The following DNAH10 variants were observed in gnomAD, a reference collection of about 807,000 sequenced individuals.
The protein encoded by DNAH10 is dynein axonemal heavy chain 10, also known as axonemal beta dynein heavy chain 10.
A neutral mutation model predicts 506.6 loss-of-function variants in DNAH10; 348 were observed. The ratio of observed to expected loss-of-function variants is 0.69; its 90% CI spans 0.63 to 0.75. The LOEUF (loss-of-function observed/expected upper bound fraction) is 0.75. Among genes scored for constraint, DNAH10 ranks in the 30% least tolerant of loss-of-function variants. The pLI is 0.00. For synonymous variants in DNAH10, 2,059 were observed against 2,198.6 expected (o/e 0.94, Z 1.78); for missense variants, 5,179 against 5,787.1 (o/e 0.89, Z 3.41).
At position 123,762,406 on chromosome 12, in the gene DNAH10, C is replaced by T; in HGVS notation, c.70C>T (p.Leu24Phe). 1.4e-6 allele frequency: 2 copies of T among 1,402,624 alleles called. No homozygotes were observed. Among genetic ancestry groups the T allele is most frequent in the Non-Finnish European group, 1.9e-6 (2 of 1,074,398 alleles). 86.9% of individuals were successfully genotyped at this position (1,402,624 alleles called of 1,614,324 possible). ...GGCTTTCGGCATCACCGACCCCCAGCTTTTCGAGGACCTGCTCAACCGCGA... is the reference window on the plus strand; with the variant it reads ...GGCTTTCGGCATCACCGACCCCCAGTTTTTCGAGGACCTGCTCAACCGCGA... ...YAAFGITDPQ[L>F]FEDLLNRDDG... The change falls in exon 1 of 79, where the codon CTT becomes TTT. Residue 24 changes from leucine (L) to phenylalanine (F), a missense_variant. Around this residue, in one of 3 missense-constraint regions of DNAH10, gnomAD observed 326 missense variants for 330.8 expected, o/e 0.99. Transcript: ENST00000673944. This position sits in a 1 kb window ranked among gnomAD's most constrained non-coding sequence, Gnocchi z 5.0.
Position 123,767,092 on chromosome 12 carries a change from G to T in DNAH10, c.215-514G>T, listed in dbSNP as rs558989107. 8.8e-4 allele frequency among the ~76,000 whole-genome samples: 133 copies of T among 151,942 alleles called. 1 individual carries two copies. The highest frequency in any genetic ancestry group is 3.2e-3 in the African/African-American group (132 of 41,468). On this transcript the variant is annotated intron_variant, in intron 1 of 78. Coordinates refer to ENST00000673944, the MANE Select transcript of DNAH10 (RefSeq NM_001372106.1). ...AGCTAATTTTTTTGTATTTTTAATA[G>T]AGACGAGGTTTCACCATGTTGACCA...
intron 50 of DNAH10, 48 bp downstream of exon 50, chr12:123,879,849 T>C (rs553863457): frequency 2.5e-6 from 4 of 1,595,880 alleles, no homozygotes; most frequent in Middle Eastern, 1.8e-4. Flanking sequence ...CTCCTGAGCA[T>C]GGGCCAAGCG....
chr12:123,898,220 A>G (rs1441954480), intron 55 of DNAH10, among the ~76,000 whole-genome samples: 1 of 152,054 alleles, frequency 6.6e-6, no homozygotes, highest in Non-Finnish European at 1.5e-5. Flanking sequence ...TTTAAATTTT[A>G]TTTTTTATCT....
At chr12:123,839,247 T>C (rs1002500124) in intron 29 of DNAH10, among the ~76,000 whole-genome samples, 3 of 150,748 alleles carry the variant, frequency 2.0e-5, no homozygotes, top group Non-Finnish European at 3.0e-5. Flanking sequence ...AAACCAGAAA[T>C]ATATGAAGAC....
At chr12:123,910,433 A>G (rs1954012195) in intron 58 of DNAH10, 103 bp from the exon 59 acceptor site, 1 of 1,432,050 alleles carries the variant, frequency 7.0e-7, no homozygotes, top group Non-Finnish European at 9.5e-7. Context: ...TTCTGCTCAC[A>G]GGGCCACTGA....
chr12:123,904,817 TG>T (rs906349770), intron 57 of DNAH10, among the ~76,000 whole-genome samples: 2 of 152,200 alleles, frequency 1.3e-5, no homozygotes, highest in Admixed American at 1.3e-4. Flanking sequence ...GCTGGGCACA[TG>T]GTCAGAGCCA....
chr12:123,889,221 C>T (rs189622215), intron 52 of DNAH10, among the ~76,000 whole-genome samples: 31 of 152,338 alleles, frequency 2.0e-4, no homozygotes, highest in African/African-American at 6.5e-4. Flanking sequence ...CTGCTCTCCC[C>T]GCTAAATGCT....
At position 123,846,793 on chromosome 12, in the gene DNAH10, A is replaced by G. The variant is rs1950964805; in HGVS notation, c.5814+639A>G. On this transcript the variant is annotated intron_variant, in intron 32 of 78. Coordinates refer to ENST00000673944, the MANE Select transcript of DNAH10 (RefSeq NM_001372106.1). This position sits in a 1 kb window ranked among gnomAD's most constrained non-coding sequence, Gnocchi z 4.5. ...ATAGCATTCACTGCTGCACCTGGCT[A>G]CATTGGTGGTCTCTTAGGCTCACAG... Among the ~76,000 whole-genome samples, 1 of 152,088 alleles carries G rather than the reference A, an allele frequency of 6.6e-6. No homozygotes were observed. The highest frequency in any genetic ancestry group is 6.5e-5 in the Admixed American group (1 of 15,268).
At chr12:123,784,815 T>A (rs753637130) in intron 8 of DNAH10, among the ~76,000 whole-genome samples, 6 of 152,192 alleles carry the variant, frequency 3.9e-5, no homozygotes, top group Non-Finnish European at 7.3e-5. Context: ...AGGGACTTCA[T>A]ATAAGGGGAG....
At chr12:123,898,605 C>T (rs543549602) in intron 55 of DNAH10, 48 bp from the exon 56 acceptor site, 22 of 1,449,884 alleles carry the variant, frequency 1.5e-5, no homozygotes, top group African/African-American at 1.0e-4. Flanking sequence ...GATTGTGTTG[C>T]GAACAGTGGC....
intron 72 of DNAH10, 120 bp from the exon 73 acceptor site, chr12:123,930,282 C>A: frequency 1.1e-6 from 1 of 949,034 alleles, no homozygotes; most frequent in Non-Finnish European, 1.5e-6. Flanking sequence ...CAGGTTCAAG[C>A]CTTGCAGCAG....
chr12:123,932,207 C>T, intron 76 of DNAH10, 99 bp downstream of exon 76: 2 of 1,441,034 alleles, frequency 1.4e-6, no homozygotes, highest in Non-Finnish European at 1.9e-6. Flanking sequence ...CCAGCAGTAA[C>T]CTCTGTTAAA....
In DNAH10 at chr12:123,809,078, A is replaced by G; in HGVS notation, c.3144+125A>G. The stretch of plus-strand genomic sequence containing the variant: ...GGAATTCTTGACCTTCTGCCTTGTG[A>G]CTCAGTCATCCCCCAGTTTTCCCCA... On this transcript the variant is annotated intron_variant, in intron 19 of 78. Coordinates refer to ENST00000673944, the MANE Select transcript of DNAH10 (RefSeq NM_001372106.1). The G allele has an allele frequency of 2.6e-6, 3 of 1,160,446 alleles. No individual in the cohort carries two copies. The South Asian group carries it at 4.5e-5, about 17-fold the overall frequency. The allele number at this position is 1,160,446 out of a possible 1,614,324, so 71.9% of individuals were successfully genotyped here.
chr12:123,849,653 T>C (rs1951084686), intron 34 of DNAH10, among the ~76,000 whole-genome samples: 1 of 152,186 alleles, frequency 6.6e-6, no homozygotes, highest in South Asian at 2.1e-4. Flanking sequence ...TACCATGCCT[T>C]GTGACACCAC....
rs759403326 is a variant in DNAH10 at position 123,914,301 on chromosome 12, C to G, written c.10353-28C>G. 5 of 1,564,512 alleles carry G rather than the reference C, an allele frequency of 3.2e-6. No homozygotes were observed. The South Asian group carries it at 5.7e-5, about 18-fold the overall frequency. On this transcript the variant is annotated intron_variant, in intron 60 of 78. Transcript: ENST00000673944. ...TGGTTGTGGCCAGAAGGTAAACTCA[C>G]GGCAGCCTCCCTCTCCTCCCGTGCC...
chr12:123,800,328 T>C lies in DNAH10; in HGVS notation c.2402T>C (p.Leu801Pro). 6.2e-7 allele frequency: 1 copy of C among 1,614,180 alleles called. No individual in the cohort carries two copies. The highest frequency in any genetic ancestry group is 1.1e-5 in the South Asian group (1 of 91,080). ...AATGAAACAAAGTACTTAGAGCAGC[T>C]GGGGTTCACTGTCCCTGAATTAGCA... ...IINETKYLEQ[L>P]GFTVPELARN... is the part of the protein sequence containing the mutation. Residue 801 changes from leucine (L) to proline (P), a missense_variant, in exon 15 of 79, where the codon CTG (leucine) becomes CCG (proline). Physicochemically the swap from Leu to Pro is moderately conservative, Grantham distance 98. Coordinates refer to ENST00000673944, the MANE Select transcript of DNAH10 (RefSeq NM_001372106.1).
intron 6 of DNAH10, 46 bp from the exon 7 acceptor site, chr12:123,783,061 C>T: frequency 6.3e-7 from 1 of 1,595,064 alleles, no homozygotes; most frequent in Non-Finnish European, 8.6e-7. Context: ...TCTTTGTAAT[C>T]ATTTTTCCTG....
At position 123,762,909 on chromosome 12, in the gene DNAH10, G is replaced by A. The variant is rs970771316; in HGVS notation, c.214+359G>A. 6.6e-6 allele frequency among the ~76,000 whole-genome samples: 1 copy of A among 152,154 alleles called. No individual in the cohort carries two copies. The highest frequency in any genetic ancestry group is 2.4e-5 in the African/African-American group (1 of 41,436). ...TACAGATGAGCAAACTGGCACGGAG[G>A]GGGTTAAGTAACCTGCCCAAGGCCC... On this transcript the variant is annotated intron_variant, in intron 1 of 78. Coordinates refer to ENST00000673944, the MANE Select transcript of DNAH10 (RefSeq NM_001372106.1). This position sits in a 1 kb window ranked among gnomAD's most constrained non-coding sequence, Gnocchi z 5.0.
chr12:123,804,758 C>A, intron 17 of DNAH10, 75 bp from the exon 18 acceptor site: 1 of 1,462,232 alleles, frequency 6.8e-7, no homozygotes, highest in Non-Finnish European at 9.4e-7. Context: ...ACACACAGCT[C>A]ATGTTTGGAT....
Sources: allele counts gnomAD v4.1 joint callset (sites outside exome capture counted in the v4.1 genomes callset), GRCh38; gene constraint gnomAD v4.1.1; regional missense constraint gnomAD v4.1.1; non-coding constraint Gnocchi (gnomAD v3.1); transcripts MANE v1.5; gene names NCBI Gene and HGNC (gene_info 2026-07-23, HGNC 2026-07-21).